Variants in PIK3AP1 observed in about 807,000 individuals in gnomAD.
PIK3AP1 encodes phosphoinositide-3-kinase adaptor protein 1, also known as phosphoinositide 3-kinase adapter protein 1.
In PIK3AP1, 21 loss-of-function variants were observed where a neutral mutation model predicts 88.1. That is an observed-to-expected ratio of 0.24 (90% CI 0.17 to 0.34). The LOEUF is 0.34. Ranked by LOEUF, PIK3AP1 falls within the 10% of genes least tolerant of loss-of-function variation. The pLI, the probability that PIK3AP1 is intolerant of heterozygous loss-of-function variation, is 1.00. For missense variants in PIK3AP1, 828 were observed against 1,035.7 expected (o/e 0.80, Z 2.75); for synonymous variants, 398 against 400.0 (o/e 1.00, Z 0.06).
At chr10:96,717,074 A>G in intron 1 of PIK3AP1, among the ~76,000 whole-genome samples, 1 of 152,092 alleles carries the variant, frequency 6.6e-6, no homozygotes, top group East Asian at 1.9e-4. Context: ...CCAGCCTGGC[A>G]TGGTGAAACC....
rs749043096 is a variant in PIK3AP1 at position 96,626,727 on chromosome 10, G to C, written c.1650C>G (p.Asn550Lys). 3.1e-6 allele frequency: 5 copies of C among 1,614,176 alleles called. No individual in the cohort carries two copies. The highest frequency in any genetic ancestry group is 3.3e-5 in the Admixed American group (2 of 60,020). ...TAPGAHQLPD[N>K]EPYIFKVFAE... ...ACTTGCCTTTAAAAATGTATGGTTC[G>C]TTGTCAGGCAGCTGGTGAGCACCAG... The change falls in exon 10 of 17, where the codon AAC becomes AAG. Residue 550 changes from asparagine to lysine, a missense_variant. By Grantham distance (94) the Asn-to-Lys change is moderately conservative. Around this residue, in one of 3 missense-constraint regions of PIK3AP1, gnomAD observed 610 missense variants for 760.1 expected, o/e 0.80. Transcript: ENST00000339364.
intron 2 of PIK3AP1, among the ~76,000 whole-genome samples, chr10:96,689,575 C>CAAA (rs56828361): frequency 3.4e-4 from 24 of 70,394 alleles, no homozygotes; most frequent in East Asian, 9.0e-4. Flanking sequence ...GACTCTGTCT[C>CAAA]AAAAAAAAAA....
chr10:96,599,157 A>C (rs1379973724), intron 16 of PIK3AP1, among the ~76,000 whole-genome samples: 3 of 152,180 alleles, frequency 2.0e-5, no homozygotes, highest in Non-Finnish European at 2.9e-5. Context: ...CGGACAGAGC[A>C]TGAAGACACA....
At chr10:96,612,437 G>A (rs1010982269) in intron 13 of PIK3AP1, among the ~76,000 whole-genome samples, 4 of 152,136 alleles carry the variant, frequency 2.6e-5, no homozygotes, top group Middle Eastern at 3.2e-3. Flanking sequence ...TAAGGCAAAC[G>A]AAGTTCTCAA....
intron 14 of PIK3AP1, among the ~76,000 whole-genome samples, chr10:96,605,611 T>C (rs1848989430): frequency 6.6e-6 from 1 of 152,362 alleles, no homozygotes; most frequent in South Asian, 2.1e-4. Context: ...TGTAAGTTTA[T>C]AGGTAGTCAA....
rs1344865555 is a variant in PIK3AP1 at position 96,594,393 on chromosome 10, C to G, written c.*1184G>C. ...TTTCTTATAATATCTAATACAATGCCTACACATCACTTCATTTACATGAAT... is the reference window on the plus strand; with the variant it reads ...TTTCTTATAATATCTAATACAATGCGTACACATCACTTCATTTACATGAAT... On this transcript the variant is annotated 3_prime_UTR_variant, in exon 17 of 17. Coordinates refer to ENST00000339364, the MANE Select transcript of PIK3AP1 (RefSeq NM_152309.3). This position sits in a 1 kb window ranked among gnomAD's most constrained non-coding sequence, Gnocchi z 4.6. 1 of 152,172 alleles carries G rather than the reference C, an allele frequency of 6.6e-6. No homozygotes were observed. The highest frequency in any genetic ancestry group is 1.5e-5 in the Non-Finnish European group (1 of 68,026). 9.4% of individuals were successfully genotyped at this position (152,172 alleles called of 1,614,324 possible). A position where few individuals can be genotyped will look rare whatever the true frequency, so the allele number is the denominator to read the frequency against.
intron 2 of PIK3AP1, among the ~76,000 whole-genome samples, chr10:96,678,050 A>G (rs1178264404): frequency 2.0e-5 from 3 of 151,946 alleles, no homozygotes; most frequent in Admixed American, 6.6e-5. Context: ...TGCAGCCTCG[A>G]CCTCCTGGGC....
intron 2 of PIK3AP1, among the ~76,000 whole-genome samples, chr10:96,658,333 G>A (rs1843643009): frequency 6.6e-6 from 1 of 152,126 alleles, no homozygotes; most frequent in Non-Finnish European, 1.5e-5. Flanking sequence ...CAGAGTTTGT[G>A]GCAACTGTCC....
At chr10:96,603,401 C>T (rs1848937776) in intron 15 of PIK3AP1, among the ~76,000 whole-genome samples, 1 of 152,160 alleles carries the variant, frequency 6.6e-6, no homozygotes. Context: ...ACATTTGAGT[C>T]AGTGGGCTGG....
intron 7 of PIK3AP1, among the ~76,000 whole-genome samples, chr10:96,647,733 C>G (rs1767934370): frequency 6.6e-6 from 1 of 152,216 alleles, no homozygotes; most frequent in Non-Finnish European, 1.5e-5. Context: ...AGGCTCTGTC[C>G]TGTCTGGAGG....
At chr10:96,614,903 G>A (rs980028803) in intron 13 of PIK3AP1, among the ~76,000 whole-genome samples, 3 of 152,250 alleles carry the variant, frequency 2.0e-5, no homozygotes, top group Admixed American at 6.5e-5. Context: ...TCTAGTGGAA[G>A]GGAGATGGGG....
At chr10:96,684,845 G>A (rs531718056) in intron 2 of PIK3AP1, among the ~76,000 whole-genome samples, 4 of 152,162 alleles carry the variant, frequency 2.6e-5, no homozygotes, top group Non-Finnish European at 5.9e-5. Flanking sequence ...CAGTTGAGGC[G>A]GCACTCTCTG....
Position 96,602,363 on chromosome 10 carries a change from A to T in PIK3AP1, c.2277T>A (p.Ser759Arg). 3.1e-6 allele frequency: 5 copies of T among 1,612,752 alleles called. No homozygotes were observed. Among genetic ancestry groups the T allele is most frequent in the Non-Finnish European group, 4.2e-6 (5 of 1,179,118 alleles). Residue 759 changes from serine (S) to arginine (R), a missense_variant, in exon 16 of 17, where the codon AGT (serine) becomes AGA (arginine). Around this residue, in one of 3 missense-constraint regions of PIK3AP1, gnomAD observed 191 missense variants for 208.6 expected, o/e 0.92. Coordinates refer to ENST00000339364, the MANE Select transcript of PIK3AP1 (RefSeq NM_152309.3). The part of the protein sequence containing the change: ...NEVPEVTRSR[S>R]PGPPQVDGTP... ...TCCCATCCACTTGTGGGGGGCCTGG[A>T]CTGCGACTTCTGGTAACCTCAGGGA...
chr10:96,614,390 G>A (rs1226249149), intron 13 of PIK3AP1, among the ~76,000 whole-genome samples: 4 of 149,890 alleles, frequency 2.7e-5, no homozygotes, highest in Non-Finnish European at 5.9e-5. Flanking sequence ...TGCAGATCTC[G>A]AAACAGCTTT....
At chr10:96,675,986 C>T (rs1422862035) in intron 2 of PIK3AP1, among the ~76,000 whole-genome samples, 1 of 152,160 alleles carries the variant, frequency 6.6e-6, no homozygotes, top group Non-Finnish European at 1.5e-5. Context: ...ACCAGTTTGC[C>T]TACAAATGAA....
chr10:96,596,956 T>C (rs1245273191), intron 16 of PIK3AP1, among the ~76,000 whole-genome samples: 2 of 152,134 alleles, frequency 1.3e-5, no homozygotes, highest in Non-Finnish European at 2.9e-5. Flanking sequence ...TTTGTATAGG[T>C]CAAGGAAATG....
intron 1 of PIK3AP1, among the ~76,000 whole-genome samples, chr10:96,715,807 A>G (rs2614953): frequency 0.59 from 89,274 of 150,858 alleles, 27,898 homozygotes; most frequent in African/African-American, 0.82. Context: ...GGAGAATGGC[A>G]TGAACCCGGG....
intron 12 of PIK3AP1, among the ~76,000 whole-genome samples, chr10:96,619,931 C>G (rs1399428089): frequency 6.6e-6 from 1 of 152,160 alleles, no homozygotes; most frequent in African/African-American, 2.4e-5. Context: ...TTCATTTAAT[C>G]ATATTTCTTG....
chr10:96,616,656 T>A lies in PIK3AP1; in HGVS notation c.1997A>T (p.Lys666Ile). ...CCACATACCTGTCTGCTTTCCTGAT[T>A]TTTGCTTCTCTCTCTGTCTTCGGGT... ...SITRRQREKQ[K>I]SGKQTDLEIT... Residue 666 changes from lysine to isoleucine, a missense_variant, in exon 13 of 17, where the codon AAA (lysine) becomes ATA (isoleucine). Coordinates refer to ENST00000339364, the MANE Select transcript of PIK3AP1 (RefSeq NM_152309.3). 6.2e-7 allele frequency: 1 copy of A among 1,614,188 alleles called. No homozygotes were observed. The highest frequency in any genetic ancestry group is 8.5e-7 in the Non-Finnish European group (1 of 1,180,026).
Sources: gnomAD v4.1 joint callset for allele counts (sites outside exome capture counted in the v4.1 genomes callset) on GRCh38, gnomAD v4.1.1 for gene constraint, gnomAD v4.1.1 regional missense constraint, Gnocchi (gnomAD v3.1) non-coding constraint, MANE v1.5 for transcripts, NCBI Gene and HGNC (gene_info 2026-07-23, HGNC 2026-07-21) for gene names.